Variants in TCP11L2 observed in about 807,000 individuals in gnomAD.
TCP11L2 encodes t-complex 11 like 2, also known as T-complex protein 11-like protein 2.
TCP11L2 carries 39 observed loss-of-function variants against 50.7 expected under a neutral mutation model. The observed-to-expected ratio is 0.77, with a 90% confidence interval of 0.60 to 1.01. The LOEUF is 1.01. Ranked by LOEUF, TCP11L2 falls within the 50% of genes least tolerant of loss-of-function variation. TCP11L2 has a pLI of 0.00. For synonymous variants in TCP11L2, 192 were observed against 219.3 expected, an observed-to-expected ratio of 0.88 and a Z score of 1.10; for missense variants, 612 against 614.7, an observed-to-expected ratio of 1.00 and a Z score of 0.05.
At chr12:106,346,165 A>C in intron 9 of TCP11L2, 121 bp from the exon 10 acceptor site, 1 of 1,023,334 alleles carries the variant, frequency 9.8e-7, no homozygotes, top group Non-Finnish European at 1.4e-6. Flanking sequence ...GGATGGGTGC[A>C]GGGAGGGGTA....
chr12:106,298,037 G>T (rs1353776307), upstream of TCP11L2, among the ~76,000 whole-genome samples: 1 of 152,234 alleles, frequency 6.6e-6, no homozygotes, highest in South Asian at 2.1e-4. Context: ...TTTAGTATGT[G>T]ACAGGGTCAG....
At chr12:106,312,366 G>A (rs1185157860) in intron 2 of TCP11L2, 1 of 1,234,990 alleles carries the variant, frequency 8.1e-7, no homozygotes, top group African/African-American at 1.6e-5. Flanking sequence ...TTGGACCAAA[G>A]TATATAGACA....
intron 1 of TCP11L2, chr12:106,304,187 A>G (rs1000930337): frequency 3.3e-5 from 5 of 152,502 alleles, no homozygotes; most frequent in South Asian, 2.1e-4. Flanking sequence ...AGCAGCTTCA[A>G]TGCCATTTTG....
intron 6 of TCP11L2, among the ~76,000 whole-genome samples, chr12:106,328,120 A>G (rs1180825245): frequency 6.6e-6 from 1 of 152,246 alleles, no homozygotes; most frequent in Non-Finnish European, 1.5e-5. Flanking sequence ...TCACTTTCAG[A>G]ATATTTGAAA....
chr12:106,315,711 G>T (rs1036870797), intron 3 of TCP11L2, among the ~76,000 whole-genome samples: 20 of 151,116 alleles, frequency 1.3e-4, no homozygotes, highest in African/African-American at 4.6e-4. Context: ...GGTTAACCTC[G>T]CCCTCCGACC....
chr12:106,325,045 A>T (rs945024598), intron 6 of TCP11L2: 5 of 152,262 alleles, frequency 3.3e-5, no homozygotes, highest in African/African-American at 1.2e-4. Flanking sequence ...ACTGGGTACT[A>T]GTTAACACTT....
chr12:106,312,646 G>T (rs1020576494), intron 2 of TCP11L2, among the ~76,000 whole-genome samples: 2 of 152,100 alleles, frequency 1.3e-5, no homozygotes, highest in African/African-American at 4.8e-5. Flanking sequence ...ACTTTGAGAG[G>T]CTGAGGCAGG....
chr12:106,337,583 A>G (rs867552237), intron 8 of TCP11L2, among the ~76,000 whole-genome samples: 19 of 152,354 alleles, frequency 1.2e-4, no homozygotes, highest in South Asian at 6.2e-4. Context: ...ATGTTATTAT[A>G]AAGTATACAG....
chr12:106,308,369 A>G (rs1443991257), intron 1 of TCP11L2, among the ~76,000 whole-genome samples: 1 of 152,132 alleles, frequency 6.6e-6, no homozygotes, highest in Non-Finnish European at 1.5e-5. Context: ...TGGACTCCTG[A>G]CTCCCAATTA....
chr12:106,329,308 A>G (rs1309018518), intron 6 of TCP11L2: 3 of 1,535,926 alleles, frequency 2.0e-6, no homozygotes, highest in African/African-American at 2.7e-5. Flanking sequence ...ATGAGTGGAA[A>G]AATTCTTAAT....
intron 6 of TCP11L2, among the ~76,000 whole-genome samples, chr12:106,327,986 A>G (rs1267752812): frequency 6.6e-6 from 1 of 152,250 alleles, no homozygotes; most frequent in African/African-American, 2.4e-5. Flanking sequence ...GGTGGGGGCC[A>G]TAAGTAATTT....
chr12:106,321,341 T>A, intron 4 of TCP11L2, 145 bp from the exon 5 acceptor site: 1 of 663,370 alleles, frequency 1.5e-6, no homozygotes. Context: ...GCTCCTCTGA[T>A]CCACCCATGC....
rs370738597 is a variant in TCP11L2 at position 106,336,247 on chromosome 12, G to A, written c.1142+34G>A. The A allele has an allele frequency of 7.8e-5, 122 of 1,571,432 alleles. No homozygotes were observed. The Middle Eastern group carries it at 2.2e-3, about 29-fold the overall frequency. On this transcript the variant is annotated intron_variant, in intron 8 of 9. Coordinates refer to ENST00000299045, the MANE Select transcript of TCP11L2 (RefSeq NM_152772.3). The stretch of plus-strand genomic sequence containing the variant: ...CAAATTTTTGCATCTGCTCCCTCTT[G>A]TATTAAGGCTCTGCATGTGTCTCAG...
Position 106,336,262 on chromosome 12 carries a change from A to G in TCP11L2, c.1142+49A>G, listed in dbSNP as rs561547001. The stretch of plus-strand genomic sequence containing the variant: ...GCTCCCTCTTGTATTAAGGCTCTGC[A>G]TGTGTCTCAGAGAACAAGAATGACC... On this transcript the variant is annotated intron_variant, in intron 8 of 9. Coordinates refer to ENST00000299045, the MANE Select transcript of TCP11L2 (RefSeq NM_152772.3). 50 of 1,521,324 alleles carry G rather than the reference A, an allele frequency of 3.3e-5. 1 individual carries two copies. Among genetic ancestry groups the G allele is most frequent in the Non-Finnish European group, 4.4e-5 (50 of 1,124,118 alleles). The allele number at this position is 1,521,324 out of a possible 1,614,324, so 94.2% of individuals were successfully genotyped here.
At chr12:106,299,953 C>T (rs1304374490), upstream of TCP11L2, among the ~76,000 whole-genome samples, 5 of 151,984 alleles carry the variant, frequency 3.3e-5, no homozygotes, top group South Asian at 4.1e-4. Flanking sequence ...ATTTCTTCAT[C>T]GAACAAAAAT....
At chr12:106,326,268 G>C (rs2136737887) in intron 6 of TCP11L2, among the ~76,000 whole-genome samples, 1 of 152,254 alleles carries the variant, frequency 6.6e-6, no homozygotes, top group East Asian at 1.9e-4. Flanking sequence ...AGAGCACATT[G>C]ATCATGGAGG....
chr12:106,334,259 G>A (rs2136786956), intron 6 of TCP11L2, among the ~76,000 whole-genome samples: 1 of 152,304 alleles, frequency 6.6e-6, no homozygotes, highest in South Asian at 2.1e-4. Flanking sequence ...TTTAAAAAAG[G>A]TAGGAAGGAC....
chr12:106,330,766 C>T (rs1046349689), intron 6 of TCP11L2, among the ~76,000 whole-genome samples: 7 of 152,100 alleles, frequency 4.6e-5, no homozygotes, highest in Non-Finnish European at 8.8e-5. Context: ...TGCCTTCTTT[C>T]CATTGTCTAG....
At chr12:106,340,785 CA>C (rs2036070395) in intron 8 of TCP11L2, 40 bp from the exon 9 acceptor site, 2 of 1,528,128 alleles carry the variant, frequency 1.3e-6, no homozygotes, top group African/African-American at 2.8e-5. Flanking sequence ...ACTTGATGAA[CA>C]AAAACTTTCC....
Sources: gnomAD v4.1 joint callset for allele counts (sites outside exome capture counted in the v4.1 genomes callset) on GRCh38, gnomAD v4.1.1 for gene constraint, MANE v1.5 for transcripts, NCBI Gene and HGNC (gene_info 2026-07-23, HGNC 2026-07-21) for gene names.